The following WWOX variants were observed in gnomAD, a reference collection of about 807,000 sequenced individuals.
WWOX encodes the protein WW domain containing oxidoreductase, also known as WW domain-containing oxidoreductase.
WWOX carries 69 observed loss-of-function variants against 46.2 expected under a neutral mutation model. The ratio of observed to expected loss-of-function variants is 1.49; its 90% CI spans 1.23 to 1.82. The LOEUF is 1.82. Among genes scored for constraint, WWOX ranks in the 40% most tolerant of loss-of-function variants. The pLI is 0.00. For synonymous variants in WWOX, 359 were observed against 202.6 expected, an observed-to-expected ratio of 1.77 and a Z score of -6.56; for missense variants, 919 against 542.6, an observed-to-expected ratio of 1.69 and a Z score of -6.89.
intron 8 of WWOX, among the ~76,000 whole-genome samples, chr16:79,180,727 C>G (rs139566960): frequency 6.7e-6 from 1 of 149,780 alleles, no homozygotes; most frequent in Non-Finnish European, 1.5e-5. Flanking sequence ...GTCTCCCTGT[C>G]TATCTGTCTG....
At chr16:78,784,963 A>C (rs1218663595) in intron 8 of WWOX, among the ~76,000 whole-genome samples, 1 of 152,184 alleles carries the variant, frequency 6.6e-6, no homozygotes, top group Non-Finnish European at 1.5e-5. Context: ...GTTGTTCAGA[A>C]GGTCCCGTGG....
intron 8 of WWOX, among the ~76,000 whole-genome samples, chr16:78,834,811 A>G (rs1445883604): frequency 1.3e-5 from 2 of 152,244 alleles, no homozygotes; most frequent in South Asian, 2.1e-4. Flanking sequence ...AACCAAAAAA[A>G]TTATGCAATA....
At chr16:78,587,656 G>A (rs1212097382) in intron 8 of WWOX, among the ~76,000 whole-genome samples, 1 of 152,098 alleles carries the variant, frequency 6.6e-6, no homozygotes, top group African/African-American at 2.4e-5. Context: ...ATTGGGTGTG[G>A]GGAGTGGAGG....
chr16:78,140,816 TG>T (rs564167455), intron 4 of WWOX, among the ~76,000 whole-genome samples: 3 of 152,308 alleles, frequency 2.0e-5, no homozygotes, highest in Admixed American at 2.0e-4. Context: ...CATATCTTTT[TG>T]GGGGGACACA....
intron 5 of WWOX, among the ~76,000 whole-genome samples, chr16:78,209,833 G>A (rs1022471306): frequency 4.6e-5 from 7 of 151,716 alleles, no homozygotes; most frequent in African/African-American, 9.7e-5. Context: ...GATGAAATAT[G>A]TATGTCTTTC....
At chr16:78,613,753 G>A (rs1217283985) in intron 8 of WWOX, among the ~76,000 whole-genome samples, 4 of 152,122 alleles carry the variant, frequency 2.6e-5, no homozygotes, top group Admixed American at 6.5e-5. Flanking sequence ...TTCCAAAATG[G>A]GAACAAGATC....
At chr16:79,192,008 A>G (rs1229030524) in intron 8 of WWOX, among the ~76,000 whole-genome samples, 2 of 152,252 alleles carry the variant, frequency 1.3e-5, no homozygotes, top group African/African-American at 4.8e-5. Context: ...AACGCCTTAC[A>G]TAAACTGACC....
chr16:79,079,325 T>C (rs886704874), intron 8 of WWOX, among the ~76,000 whole-genome samples: 3 of 152,186 alleles, frequency 2.0e-5, no homozygotes, highest in South Asian at 4.1e-4. Flanking sequence ...TTTTTGCCTC[T>C]CTTTTTTTCT....
At chr16:79,144,179 C>T (rs1021149751) in intron 8 of WWOX, among the ~76,000 whole-genome samples, 3 of 152,194 alleles carry the variant, frequency 2.0e-5, no homozygotes, top group African/African-American at 7.2e-5. Context: ...AGATTACAGG[C>T]ATGAGCCACT....
At chr16:78,863,583 C>T (rs2043939587) in intron 8 of WWOX, among the ~76,000 whole-genome samples, 1 of 152,112 alleles carries the variant, frequency 6.6e-6, no homozygotes, top group Admixed American at 6.6e-5. Flanking sequence ...TGAGAAGGGC[C>T]TAAGAGTGAA....
intron 5 of WWOX, among the ~76,000 whole-genome samples, chr16:78,297,770 C>G (rs1347235177): frequency 3.9e-5 from 6 of 152,044 alleles, no homozygotes. Context: ...TCTTTATATC[C>G]TAGTATGGGC....
At chr16:78,962,617 A>C (rs1199384888) in intron 8 of WWOX, among the ~76,000 whole-genome samples, 1 of 152,190 alleles carries the variant, frequency 6.6e-6, no homozygotes, top group Admixed American at 6.5e-5. Flanking sequence ...GGGCATTCAG[A>C]AAATGTGAGC....
chr16:78,406,305 T>TAA (rs1360082868), intron 6 of WWOX, among the ~76,000 whole-genome samples: 13 of 8,148 alleles, frequency 1.6e-3, no homozygotes, highest in African/African-American at 2.5e-3. Context: ...TAAATATAAA[T>TAA]ATATATATAT....
chr16:79,083,810 C>T (rs2048805628), intron 8 of WWOX, among the ~76,000 whole-genome samples: 1 of 152,168 alleles, frequency 6.6e-6, no homozygotes, highest in African/African-American at 2.4e-5. Context: ...TCCTTGGCAA[C>T]TTTTATGTAT....
At position 78,539,758 on chromosome 16, in the gene WWOX, G is replaced by A. The variant is rs150755769; in HGVS notation, c.1056+107006G>A. 5.3e-5 allele frequency among the ~76,000 whole-genome samples: 8 copies of A among 152,286 alleles called. No individual in the cohort carries two copies. The East Asian group carries it at 1.5e-3, about 29-fold the overall frequency. On this transcript the variant is annotated intron_variant, in intron 8 of 8. Transcript: ENST00000566780. ...TAATTAGTAATGCTAATGTCGGGGTGAGATGCAATAGATAATCTAACACCA... is the reference window on the plus strand; with the variant it reads ...TAATTAGTAATGCTAATGTCGGGGTAAGATGCAATAGATAATCTAACACCA...
intron 8 of WWOX, among the ~76,000 whole-genome samples, chr16:78,737,047 A>G (rs886835992): frequency 1.3e-5 from 2 of 151,950 alleles, no homozygotes; most frequent in African/African-American, 2.4e-5. Context: ...TTAGTGGGTT[A>G]TATGTCTATT....
At chr16:78,498,739 C>T (rs2084980279) in intron 8 of WWOX, among the ~76,000 whole-genome samples, 1 of 152,164 alleles carries the variant, frequency 6.6e-6, no homozygotes, top group Middle Eastern at 3.2e-3. Context: ...GTTGCCCAGG[C>T]TGGAGTGCAG....
At chr16:78,610,601 T>G (rs1160635227) in intron 8 of WWOX, among the ~76,000 whole-genome samples, 1 of 152,126 alleles carries the variant, frequency 6.6e-6, no homozygotes, top group African/African-American at 2.4e-5. Context: ...AGTCTCTCTG[T>G]GTGAGTTCTG....
intron 8 of WWOX, among the ~76,000 whole-genome samples, chr16:78,735,853 C>T (rs571723879): frequency 2.5e-4 from 28 of 112,366 alleles, no homozygotes; most frequent in Admixed American, 1.9e-3. Context: ...TTTCTGCTCT[C>T]TGCAACAGGG....
Sources: allele counts gnomAD v4.1 joint callset (sites outside exome capture counted in the v4.1 genomes callset), GRCh38; gene constraint gnomAD v4.1.1; transcripts MANE v1.5; gene names NCBI Gene and HGNC (gene_info 2026-07-23, HGNC 2026-07-21).